PDGFD: variants seen among roughly 807,000 people sequenced by gnomAD.
PDGFD encodes platelet derived growth factor D.
PDGFD carries 30 observed loss-of-function variants against 44.7 expected under a neutral mutation model. The ratio of observed to expected loss-of-function variants is 0.67; its 90% CI spans 0.50 to 0.91. The LOEUF (loss-of-function observed/expected upper bound fraction) is 0.91, where lower values mean the gene tolerates loss of function less well. Among genes scored for constraint, PDGFD ranks in the 40% least tolerant of loss-of-function variants. The pLI, the probability that PDGFD is intolerant of heterozygous loss-of-function variation, is 0.00. For synonymous variants in PDGFD, 173 were observed against 168.4 expected (o/e 1.03, Z -0.21); for missense variants, 445 against 457.8 (o/e 0.97, Z 0.25).
chr11:104,104,964 G>C (rs897017640), intron 1 of PDGFD, among the ~76,000 whole-genome samples: 3 of 152,236 alleles, frequency 2.0e-5, no homozygotes, highest in African/African-American at 7.2e-5. Context: ...TAAGGACTTT[G>C]TTCTTGTTGC....
chr11:104,062,336 C>T (rs1197638582), intron 1 of PDGFD, among the ~76,000 whole-genome samples: 1 of 152,226 alleles, frequency 6.6e-6, no homozygotes, highest in African/African-American at 2.4e-5. Flanking sequence ...AAGGCAAATT[C>T]CTCCATCTGT....
chr11:103,954,887 G>T (rs952958959), intron 3 of PDGFD, among the ~76,000 whole-genome samples: 1 of 152,044 alleles, frequency 6.6e-6, no homozygotes, highest in East Asian at 1.9e-4. Flanking sequence ...TAATGAGGCC[G>T]GGCGCGGTGG....
intron 1 of PDGFD, among the ~76,000 whole-genome samples, chr11:104,080,789 G>T (rs11226146): frequency 0.23 from 35,441 of 152,160 alleles, 5,000 homozygotes; most frequent in East Asian, 0.33. Context: ...TGCCATAAAA[G>T]ACATTGCAGT....
At chr11:104,036,533 T>C (rs1290614027) in intron 1 of PDGFD, 21 of 450,894 alleles carry the variant, frequency 4.7e-5, no homozygotes, top group Non-Finnish European at 8.5e-5. Context: ...CTTTGAGCCA[T>C]CGTGTATCCA....
chr11:104,088,723 T>A (rs1861169458), intron 1 of PDGFD, among the ~76,000 whole-genome samples: 1 of 152,196 alleles, frequency 6.6e-6, no homozygotes, highest in Non-Finnish European at 1.5e-5. Flanking sequence ...AAAGATCTTC[T>A]GAACCAACAA....
In PDGFD at chr11:104,144,267, G is replaced by A. The variant is rs114100372; in HGVS notation, c.124+19537C>T. ...TTATATTTACCATTTAAAAAGTCCA[G>A]AGGCCGAAGTGGGTGGGTCACTTGA... On this transcript the variant is annotated intron_variant, in intron 1 of 6. Transcript: ENST00000393158. Among the ~76,000 whole-genome samples, 1,155 of 152,136 alleles carry A rather than the reference G, an allele frequency of 7.6e-3. 18 individuals carry two copies. Among genetic ancestry groups the A allele is most frequent in the African/African-American group, 0.026 (1,079 of 41,486 alleles).
chr11:103,924,775 T>G (rs920440836), intron 6 of PDGFD, among the ~76,000 whole-genome samples: 1 of 152,226 alleles, frequency 6.6e-6, no homozygotes, highest in African/African-American at 2.4e-5. Context: ...AGATTTTGTT[T>G]AGAGAGAACT....
chr11:103,947,912 C>T (rs920867139), intron 3 of PDGFD, among the ~76,000 whole-genome samples, 188 bp from the exon 4 acceptor site: 9 of 152,168 alleles, frequency 5.9e-5, no homozygotes, highest in African/African-American at 1.9e-4. Flanking sequence ...TCATTTAAGA[C>T]ATGGACATTT....
At chr11:103,985,174 AATTT>A (rs1252724456) in intron 3 of PDGFD, among the ~76,000 whole-genome samples, 5 of 127,140 alleles carry the variant, frequency 3.9e-5, no homozygotes, top group Non-Finnish European at 1.7e-5. Context: ...ATAATATATT[AATTT>A]ATTTAATATA....
At chr11:103,991,300 G>A (rs984378091) in intron 3 of PDGFD, among the ~76,000 whole-genome samples, 1 of 151,926 alleles carries the variant, frequency 6.6e-6, no homozygotes, top group African/African-American at 2.4e-5. Context: ...TTCAACCCCT[G>A]GGCTGTTCTC....
chr11:103,943,401 T>C, intron 5 of PDGFD, 51 bp downstream of exon 5: 2 of 1,525,590 alleles, frequency 1.3e-6, no homozygotes, highest in Non-Finnish European at 1.8e-6. Context: ...CAGCTTGTAC[T>C]GTTAAGATTT....
intron 1 of PDGFD, among the ~76,000 whole-genome samples, chr11:104,135,424 G>A (rs992117972): frequency 3.3e-5 from 5 of 152,288 alleles, no homozygotes; most frequent in South Asian, 2.1e-4. Context: ...CCAAAATGGT[G>A]CAATATGTAT....
At chr11:104,077,068 G>T (rs1244916025) in intron 1 of PDGFD, among the ~76,000 whole-genome samples, 1 of 152,136 alleles carries the variant, frequency 6.6e-6, no homozygotes, top group East Asian at 1.9e-4. Flanking sequence ...GTTGAGTTTT[G>T]GGGGAGTCAA....
intron 1 of PDGFD, among the ~76,000 whole-genome samples, chr11:104,079,299 T>A (rs548042326): frequency 6.6e-6 from 1 of 152,298 alleles, no homozygotes; most frequent in South Asian, 2.1e-4. Flanking sequence ...CCTCTCCACC[T>A]CCCTTTTAAA....
intron 1 of PDGFD, among the ~76,000 whole-genome samples, chr11:104,079,905 G>A (rs904905555): frequency 5.9e-5 from 9 of 152,102 alleles, no homozygotes; most frequent in Non-Finnish European, 1.3e-4. Flanking sequence ...TTACATTTCT[G>A]AGCAGAGCAA....
intron 1 of PDGFD, among the ~76,000 whole-genome samples, chr11:104,146,663 G>A (rs779058110): frequency 7.2e-5 from 11 of 152,234 alleles, no homozygotes; most frequent in Admixed American, 3.3e-4. Context: ...GGCCTGAAGC[G>A]TAAGCCTCAT....
At chr11:104,073,787 C>T (rs1009291756) in intron 1 of PDGFD, among the ~76,000 whole-genome samples, 2 of 152,218 alleles carry the variant, frequency 1.3e-5, no homozygotes, top group East Asian at 1.9e-4. Context: ...ATTACATTGG[C>T]GAGTTTGCAG....
intron 1 of PDGFD, among the ~76,000 whole-genome samples, chr11:104,131,286 A>T (rs1354380028): frequency 6.6e-6 from 1 of 152,174 alleles, no homozygotes; most frequent in African/African-American, 2.4e-5. Context: ...TAGTGCATGT[A>T]ACTTAACTGA....
intron 1 of PDGFD, among the ~76,000 whole-genome samples, chr11:104,119,606 A>T (rs188021020): frequency 1.1e-5 from 1 of 94,542 alleles, no homozygotes; most frequent in African/African-American, 4.4e-5. Flanking sequence ...ATAATATATT[A>T]ATATAATATA....
Sources: allele counts gnomAD v4.1 joint callset (sites outside exome capture counted in the v4.1 genomes callset), GRCh38; gene constraint gnomAD v4.1.1; transcripts MANE v1.5; gene names NCBI Gene and HGNC (gene_info 2026-07-23, HGNC 2026-07-21).